Variants in LRRC4C observed in about 807,000 individuals in gnomAD.
LRRC4C encodes leucine-rich repeat-containing protein 4C.
A neutral mutation model predicts 33.6 loss-of-function variants in LRRC4C; 5 were observed. The ratio of observed to expected loss-of-function variants is 0.15; its 90% CI spans 0.08 to 0.31. The LOEUF (loss-of-function observed/expected upper bound fraction) is 0.31. LRRC4C is among the 10% of genes least tolerant of loss of function. The pLI is 1.00. For missense variants in LRRC4C, 560 were observed against 796.7 expected, an observed-to-expected ratio of 0.70 and a Z score of 3.58; for synonymous variants, 329 against 302.0, an observed-to-expected ratio of 1.09 and a Z score of -0.93.
At chr11:40,670,974 A>G (rs1361693349) in intron 2 of LRRC4C, among the ~76,000 whole-genome samples, 2 of 152,190 alleles carry the variant, frequency 1.3e-5, no homozygotes, top group Admixed American at 1.3e-4. Context: ...CGTGTTAGCC[A>G]GGATTGTCTC....
chr11:41,186,425 A>C (rs2136186834), intron 1 of LRRC4C, among the ~76,000 whole-genome samples: 1 of 152,270 alleles, frequency 6.6e-6, no homozygotes, highest in South Asian at 2.1e-4. Context: ...ACACTGTCTA[A>C]AAGTTAATAT....
At chr11:41,254,554 T>A (rs977923371) in intron 1 of LRRC4C, among the ~76,000 whole-genome samples, 1 of 152,074 alleles carries the variant, frequency 6.6e-6, no homozygotes, top group Non-Finnish European at 1.5e-5. Context: ...TCACATTTTA[T>A]GAGTTGTGCT....
intron 1 of LRRC4C, among the ~76,000 whole-genome samples, chr11:41,225,625 C>T (rs185908784): frequency 1.2e-3 from 178 of 151,576 alleles, no homozygotes; most frequent in African/African-American, 4.3e-3. Context: ...ATAGTAAGAC[C>T]CTGTCTTTAT....
At chr11:40,312,544 C>T (rs1358629069) in intron 4 of LRRC4C, among the ~76,000 whole-genome samples, 4 of 152,110 alleles carry the variant, frequency 2.6e-5, no homozygotes, top group Non-Finnish European at 5.9e-5. Flanking sequence ...GTAAACTCCT[C>T]CATGAATAGA....
chr11:41,111,517 T>C (rs1941830491), intron 1 of LRRC4C, among the ~76,000 whole-genome samples: 1 of 152,088 alleles, frequency 6.6e-6, no homozygotes, highest in South Asian at 2.1e-4. Flanking sequence ...AAATACAATT[T>C]GTTTTTCAGT....
At chr11:40,376,521 A>G (rs1054385101) in intron 3 of LRRC4C, among the ~76,000 whole-genome samples, 1 of 152,194 alleles carries the variant, frequency 6.6e-6, no homozygotes, top group Non-Finnish European at 1.5e-5. Context: ...TATTTTTTAT[A>G]TGACTGTTAG....
intron 5 of LRRC4C, among the ~76,000 whole-genome samples, chr11:40,177,411 A>G (rs147917129): frequency 5.6e-4 from 86 of 152,234 alleles, no homozygotes; most frequent in African/African-American, 1.9e-3. Context: ...AAGAGCTTAT[A>G]TCATTGCCCA....
At chr11:40,176,521 G>T (rs1278604195) in intron 5 of LRRC4C, among the ~76,000 whole-genome samples, 1 of 149,666 alleles carries the variant, frequency 6.7e-6, no homozygotes, top group Non-Finnish European at 1.5e-5. Flanking sequence ...CAACTTTATG[G>T]ATTCTTTTTT....
At chr11:40,269,348 A>G (rs1942515514) in intron 4 of LRRC4C, among the ~76,000 whole-genome samples, 1 of 152,146 alleles carries the variant, frequency 6.6e-6, no homozygotes, top group Non-Finnish European at 1.5e-5. Flanking sequence ...AGTACCTAAC[A>G]CTAATTTTAA....
intron 1 of LRRC4C, among the ~76,000 whole-genome samples, chr11:41,425,365 A>T (rs1955004290): frequency 6.6e-6 from 1 of 152,054 alleles, no homozygotes; most frequent in Admixed American, 6.6e-5. Context: ...TTTGGTACTT[A>T]CTTGATTTTC....
chr11:40,314,535 T>C (rs1945480253), intron 4 of LRRC4C, among the ~76,000 whole-genome samples: 1 of 152,080 alleles, frequency 6.6e-6, no homozygotes, highest in African/African-American at 2.4e-5. Flanking sequence ...GATCCAGCAA[T>C]CACATTACTG....
intron 3 of LRRC4C, among the ~76,000 whole-genome samples, chr11:40,430,840 C>T (rs533994356): frequency 3.0e-4 from 45 of 149,108 alleles, no homozygotes; most frequent in South Asian, 4.3e-4. Flanking sequence ...AGTAAACTAT[C>T]GCAAGAACAA....
chr11:41,116,833 A>C (rs973491396), intron 1 of LRRC4C, among the ~76,000 whole-genome samples: 2 of 152,178 alleles, frequency 1.3e-5, no homozygotes, highest in Non-Finnish European at 2.9e-5. Context: ...AGTACAATAA[A>C]GTTCACTGCA....
At chr11:40,891,561 A>T (rs1006275704) in intron 2 of LRRC4C, among the ~76,000 whole-genome samples, 8 of 152,164 alleles carry the variant, frequency 5.3e-5, no homozygotes, top group African/African-American at 1.9e-4. Flanking sequence ...TACAGGAAAA[A>T]ATCTAATAAT....
chr11:40,736,834 T>C (rs1207056290), intron 2 of LRRC4C, among the ~76,000 whole-genome samples: 1 of 150,846 alleles, frequency 6.6e-6, no homozygotes, highest in Non-Finnish European at 1.5e-5. Flanking sequence ...TCTGTTCATA[T>C]ACTTTGCCCA....
chr11:40,632,455 C>A (rs1253713333), intron 3 of LRRC4C, among the ~76,000 whole-genome samples: 1 of 152,180 alleles, frequency 6.6e-6, no homozygotes, highest in African/African-American at 2.4e-5. Context: ...GCATGCTTCT[C>A]TTTCAATTGG....
At chr11:40,551,686 T>A (rs1264353158) in intron 3 of LRRC4C, among the ~76,000 whole-genome samples, 2 of 152,214 alleles carry the variant, frequency 1.3e-5, no homozygotes, top group African/African-American at 4.8e-5. Flanking sequence ...ATTTACTATT[T>A]TTTACTGTTC....
intron 1 of LRRC4C, among the ~76,000 whole-genome samples, chr11:41,009,785 T>C (rs1025827469): frequency 5.9e-5 from 9 of 152,156 alleles, no homozygotes; most frequent in Non-Finnish European, 1.0e-4. Context: ...TTCCAGTTTA[T>C]CTCTATTATG....
chr11:41,116,907 C>T (rs1942161263), intron 1 of LRRC4C, among the ~76,000 whole-genome samples: 1 of 152,134 alleles, frequency 6.6e-6, no homozygotes, highest in Admixed American at 6.5e-5. Flanking sequence ...CCCACACACC[C>T]TCACCACCTC....
Sources: allele counts gnomAD v4.1 joint callset (sites outside exome capture counted in the v4.1 genomes callset), GRCh38; gene constraint gnomAD v4.1.1; transcripts MANE v1.5; gene names NCBI Gene and HGNC (gene_info 2026-07-23, HGNC 2026-07-21).